PVT1: variants seen among roughly 807,000 people sequenced by gnomAD.
PVT1 encodes the protein Pvt1 oncogene, also known as CXCR4/PVT1 fusion.
At chr8:127,978,040 G>A (rs564276729) in intron 3 of PVT1, among the ~76,000 whole-genome samples, 1 of 152,320 alleles carries the variant, frequency 6.6e-6, no homozygotes, top group East Asian at 1.9e-4. Flanking sequence ...ATGTGCTAAT[G>A]TCTTGTTGCT....
intron 4 of PVT1, among the ~76,000 whole-genome samples, chr8:128,062,655 C>T (rs1018342065): frequency 3.3e-5 from 5 of 152,066 alleles, no homozygotes; most frequent in South Asian, 2.1e-4. Context: ...AAAATATAGA[C>T]CTATAAAAAC....
chr8:127,976,359 G>A (rs1236605049), intron 3 of PVT1, among the ~76,000 whole-genome samples: 2 of 152,164 alleles, frequency 1.3e-5, no homozygotes, highest in African/African-American at 4.8e-5. Context: ...ATAAACAAGA[G>A]GATGAATATT....
intron 1 of PVT1, among the ~76,000 whole-genome samples, chr8:127,795,449 T>C (rs982150398): frequency 6.6e-6 from 1 of 152,178 alleles, no homozygotes; most frequent in African/African-American, 2.4e-5. Context: ...GATTCTTCTG[T>C]TCATCTAAGC....
At chr8:128,074,535 A>G (rs867656548) in intron 5 of PVT1, among the ~76,000 whole-genome samples, 88 of 139,014 alleles carry the variant, frequency 6.3e-4, no homozygotes, top group East Asian at 3.9e-3. Flanking sequence ...AAAAAAAAAA[A>G]AGGGGGGGGC....
At chr8:127,805,375 A>C (rs1240358891) in intron 2 of PVT1, among the ~76,000 whole-genome samples, 1 of 152,152 alleles carries the variant, frequency 6.6e-6, no homozygotes, top group Non-Finnish European at 1.5e-5. Context: ...TTAAAAAAAA[A>C]ACAAATTCTC....
intron 3 of PVT1, among the ~76,000 whole-genome samples, chr8:127,923,699 G>A (rs990309624): frequency 2.6e-5 from 4 of 152,146 alleles, no homozygotes; most frequent in Non-Finnish European, 4.4e-5. Context: ...CTTGTTCCAC[G>A]GGAGCTGGGA....
chr8:127,886,445 T>G (rs2129795087), intron 2 of PVT1, among the ~76,000 whole-genome samples: 1 of 152,322 alleles, frequency 6.6e-6, no homozygotes, highest in East Asian at 1.9e-4. Flanking sequence ...GGGACTAAAA[T>G]TACATGTCTG....
intron 2 of PVT1, among the ~76,000 whole-genome samples, chr8:127,823,411 T>G (rs577059450): frequency 6.6e-6 from 1 of 152,326 alleles, no homozygotes; most frequent in Non-Finnish European, 1.5e-5. Context: ...AGAATTAGGT[T>G]TTTAATTGAA....
intron 3 of PVT1, among the ~76,000 whole-genome samples, chr8:127,893,830 G>C (rs1435065675): frequency 2.0e-5 from 3 of 152,176 alleles, no homozygotes; most frequent in Non-Finnish European, 4.4e-5. Context: ...CTTACTCTGG[G>C]ATGACAGGTG....
intron 2 of PVT1, among the ~76,000 whole-genome samples, chr8:127,871,816 C>T (rs1815354463): frequency 6.6e-6 from 1 of 152,342 alleles, no homozygotes; most frequent in South Asian, 2.1e-4. Context: ...TGGCTGAGCG[C>T]AGTGGCTCAC....
chr8:128,014,121 A>C (rs540980094), intron 4 of PVT1, among the ~76,000 whole-genome samples: 23 of 152,330 alleles, frequency 1.5e-4, no homozygotes, highest in African/African-American at 5.5e-4. Context: ...AGTGTCTCTC[A>C]CGAAGCTCTG....
At chr8:127,845,867 T>C (rs1419082334) in intron 2 of PVT1, among the ~76,000 whole-genome samples, 1 of 152,220 alleles carries the variant, frequency 6.6e-6, no homozygotes, top group Non-Finnish European at 1.5e-5. Context: ...TCTCTGACAC[T>C]GGCGATTTTT....
intron 2 of PVT1, among the ~76,000 whole-genome samples, chr8:127,813,388 T>A (rs1460037421): frequency 6.6e-6 from 1 of 151,986 alleles, no homozygotes; most frequent in Non-Finnish European, 1.5e-5. Flanking sequence ...TGTCTTCTCC[T>A]GCTCTCTGGC....
At chr8:127,820,278 C>T (rs1586393202) in intron 2 of PVT1, among the ~76,000 whole-genome samples, 1 of 152,156 alleles carries the variant, frequency 6.6e-6, no homozygotes. Flanking sequence ...TACACCCCTC[C>T]CAGCCCAGAA....
intron 5 of PVT1, among the ~76,000 whole-genome samples, chr8:128,094,383 A>G (rs1438781729): frequency 1.3e-5 from 2 of 152,188 alleles, no homozygotes; most frequent in Non-Finnish European, 2.9e-5. Context: ...AGGAAATTCT[A>G]TCATTAGCAC....
In PVT1 at chr8:127,960,687, G is replaced by A. The variant is rs750561029; in HGVS notation, n.783-28475G>A. Reference sequence around the variant, plus strand: ...ACTTCCTTCCTGTCAACCCTGTTCTGGAGTCTGTCTCCATTTTTCAGACAC... The same window carrying A: ...ACTTCCTTCCTGTCAACCCTGTTCTAGAGTCTGTCTCCATTTTTCAGACAC... On this transcript the variant is annotated intron_variant and non_coding_transcript_variant, in intron 3 of 10. Transcript: ENST00000651587. The A allele has an allele frequency of 1.7e-5, 9 of 524,964 alleles. No individual in the cohort carries two copies. The East Asian group carries it at 2.8e-4, about 16-fold the overall frequency. The allele number at this position is 524,964 out of a possible 1,614,324, so 32.5% of individuals were successfully genotyped here.
chr8:127,800,574 T>A (rs1188171594), intron 2 of PVT1, among the ~76,000 whole-genome samples: 3 of 152,214 alleles, frequency 2.0e-5, no homozygotes, highest in Non-Finnish European at 4.4e-5. Context: ...TTCTCCTCCC[T>A]CATAAAATGG....
At chr8:127,795,603 C>G (rs1176294448) in intron 1 of PVT1, among the ~76,000 whole-genome samples, 1 of 152,130 alleles carries the variant, frequency 6.6e-6, no homozygotes, top group Non-Finnish European at 1.5e-5. Flanking sequence ...CTCGCCCACT[C>G]CACCACTGTG....
intron 3 of PVT1, among the ~76,000 whole-genome samples, chr8:127,918,042 C>T (rs1245769658): frequency 1.3e-5 from 2 of 152,258 alleles, no homozygotes; most frequent in African/African-American, 4.8e-5. Flanking sequence ...TTGGGTTTTC[C>T]TGATGAAAGT....
Sources: gnomAD v4.1 joint callset for allele counts (sites outside exome capture counted in the v4.1 genomes callset) on GRCh38, gnomAD v4.1.1 for gene constraint, MANE v1.5 for transcripts, NCBI Gene and HGNC (gene_info 2026-07-23, HGNC 2026-07-21) for gene names.